CDH18: variants seen among roughly 807,000 people sequenced by gnomAD.
CDH18 encodes cadherin 18.
Under a neutral mutation model 67.9 loss-of-function variants are expected in CDH18, and 31 were observed. The observed-to-expected ratio is 0.46, with a 90% CI of 0.34 to 0.62. The LOEUF (loss-of-function observed/expected upper bound fraction) is 0.62, where lower values mean the gene tolerates loss of function less well. Among genes scored for constraint, CDH18 ranks in the 20% least tolerant of loss-of-function variants. The probability of loss-of-function intolerance (pLI) is 0.01; values close to 1 mark genes in which losing one functional copy is unlikely to be tolerated. For missense variants in CDH18, 890 were observed against 975.5 expected, an observed-to-expected ratio of 0.91 and a Z score of 1.17; for synonymous variants, 362 against 347.2, an observed-to-expected ratio of 1.04 and a Z score of -0.48.
At chr5:20,244,807 T>C (rs1743251215) in intron 2 of CDH18, among the ~76,000 whole-genome samples, 1 of 151,988 alleles carries the variant, frequency 6.6e-6, no homozygotes, top group Non-Finnish European at 1.5e-5. Context: ...ACTTGAAAAA[T>C]TATATGCCAG....
intron 1 of CDH18, among the ~76,000 whole-genome samples, chr5:20,437,992 A>G (rs1035609311): frequency 6.6e-6 from 1 of 151,308 alleles, no homozygotes; most frequent in Non-Finnish European, 1.5e-5. Flanking sequence ...CTTGAAATAT[A>G]AGTATATTTT....
chr5:19,687,655 G>C (rs1163164456), intron 5 of CDH18, among the ~76,000 whole-genome samples: 1 of 152,184 alleles, frequency 6.6e-6, no homozygotes, highest in African/African-American at 2.4e-5. Context: ...ACATGCCTTA[G>C]AGACTAGACG....
At chr5:19,759,573 C>G (rs1772070700) in intron 3 of CDH18, among the ~76,000 whole-genome samples, 1 of 152,154 alleles carries the variant, frequency 6.6e-6, no homozygotes. Context: ...AGAGCTAAAA[C>G]TCCATTAATT....
chr5:20,215,088 G>C (rs1740657197), intron 2 of CDH18, among the ~76,000 whole-genome samples: 1 of 151,890 alleles, frequency 6.6e-6, no homozygotes, highest in African/African-American at 2.4e-5. Context: ...TATAAAAAAA[G>C]CTCAACATCA....
At chr5:20,252,594 T>C (rs548387428) in intron 2 of CDH18, among the ~76,000 whole-genome samples, 71 of 152,226 alleles carry the variant, frequency 4.7e-4, no homozygotes, top group African/African-American at 1.5e-3. Flanking sequence ...CCTCTAAAAG[T>C]TGGCATAATG....
chr5:20,409,783 A>T (rs935570115), intron 1 of CDH18, among the ~76,000 whole-genome samples: 1 of 151,666 alleles, frequency 6.6e-6, no homozygotes, highest in African/African-American at 2.4e-5. Context: ...AGAAAAGAGA[A>T]ATAGAAACAG....
chr5:20,384,360 A>C (rs1298935216), intron 1 of CDH18, among the ~76,000 whole-genome samples: 4 of 152,108 alleles, frequency 2.6e-5, no homozygotes, highest in Admixed American at 2.6e-4. Context: ...CCTGAGACTG[A>C]CTTATTTCAT....
chr5:19,840,610 G>A (rs1407513175), intron 2 of CDH18, among the ~76,000 whole-genome samples: 1 of 152,104 alleles, frequency 6.6e-6, no homozygotes, highest in Admixed American at 6.6e-5. Context: ...ACTGAGGCAG[G>A]AGAATCGCTT....
intron 2 of CDH18, among the ~76,000 whole-genome samples, chr5:19,954,148 C>T (rs1396430143): frequency 1.3e-5 from 2 of 151,970 alleles, no homozygotes; most frequent in Non-Finnish European, 2.9e-5. Flanking sequence ...CTTGGATCAT[C>T]TGGGATTATG....
At chr5:19,866,946 C>G (rs1785610283) in intron 2 of CDH18, among the ~76,000 whole-genome samples, 1 of 151,898 alleles carries the variant, frequency 6.6e-6, no homozygotes, top group African/African-American at 2.4e-5. Context: ...AAAAATTAAC[C>G]AGGTGTGGTG....
intron 3 of CDH18, among the ~76,000 whole-genome samples, chr5:19,829,446 T>A (rs1780783887): frequency 6.6e-6 from 1 of 152,140 alleles, no homozygotes; most frequent in Non-Finnish European, 1.5e-5. Flanking sequence ...AAAACAATAA[T>A]GCAATTTCAT....
intron 5 of CDH18, among the ~76,000 whole-genome samples, chr5:19,686,905 G>A (rs1334648073): frequency 6.6e-6 from 1 of 152,098 alleles, no homozygotes; most frequent in South Asian, 2.1e-4. Context: ...ATTACAACAC[G>A]GGAATAGTTT....
intron 1 of CDH18, among the ~76,000 whole-genome samples, chr5:20,442,545 T>A (rs1749683512): frequency 6.6e-6 from 1 of 151,920 alleles, no homozygotes; most frequent in Admixed American, 6.5e-5. Flanking sequence ...GAGGCTCAAT[T>A]ATGTAGAAAG....
At chr5:19,735,538 G>A (rs1241010090) in intron 4 of CDH18, among the ~76,000 whole-genome samples, 1 of 151,892 alleles carries the variant, frequency 6.6e-6, no homozygotes, top group Non-Finnish European at 1.5e-5. Flanking sequence ...TGGGACCACA[G>A]GCGCCCACCA....
chr5:19,723,017 G>C (rs1288979137), intron 4 of CDH18, among the ~76,000 whole-genome samples: 1 of 152,016 alleles, frequency 6.6e-6, no homozygotes, highest in South Asian at 2.1e-4. Context: ...GATCACCTGA[G>C]GTCAGGAGTT....
intron 2 of CDH18, among the ~76,000 whole-genome samples, chr5:20,159,476 A>G (rs1580371561): frequency 1.3e-5 from 2 of 152,304 alleles, no homozygotes; most frequent in East Asian, 3.9e-4. Context: ...CAACTGAAAG[A>G]TTTATAGGTT....
chr5:20,489,158 T>G (rs1753419973), intron 1 of CDH18, among the ~76,000 whole-genome samples: 1 of 152,060 alleles, frequency 6.6e-6, no homozygotes, highest in South Asian at 2.1e-4. Context: ...ATACCAGCTA[T>G]TTTTAAATTT....
chr5:19,983,624 T>G (rs1380432760), intron 1 of CDH18, among the ~76,000 whole-genome samples: 1 of 152,262 alleles, frequency 6.6e-6, no homozygotes, highest in Non-Finnish European at 1.5e-5. Context: ...ATGTAGAAAT[T>G]TATATATCAG....
intron 1 of CDH18, among the ~76,000 whole-genome samples, chr5:20,410,178 C>T (rs190442161): frequency 1.2e-5 from 1 of 85,478 alleles, no homozygotes; most frequent in Non-Finnish European, 2.4e-5. Context: ...ACAAAAACAC[C>T]ACAAAAAGGA....
Sources: allele counts gnomAD v4.1 joint callset (sites outside exome capture counted in the v4.1 genomes callset), GRCh38; gene constraint gnomAD v4.1.1; transcripts MANE v1.5; gene names NCBI Gene and HGNC (gene_info 2026-07-23, HGNC 2026-07-21).